Variants in ACYP2 observed in about 807,000 individuals in gnomAD.
The protein encoded by ACYP2 is acylphosphatase-2.
In ACYP2, 12 loss-of-function variants were observed where a neutral mutation model predicts 11.2. The observed-to-expected ratio is 1.08, with a 90% CI of 0.69 to 1.74. The LOEUF (loss-of-function observed/expected upper bound fraction) is 1.74, where lower values mean the gene tolerates loss of function less well. Ranked by LOEUF, ACYP2 falls within the 40% of genes most tolerant of loss-of-function variation. The pLI is 0.00. For missense variants in ACYP2, 134 were observed against 101.9 expected (o/e 1.31, Z -1.35); for synonymous variants, 43 against 32.2 (o/e 1.33, Z -1.13).
intron 2 of ACYP2, among the ~76,000 whole-genome samples, chr2:54,043,548 C>G (rs1268686969): frequency 6.6e-6 from 1 of 152,108 alleles, no homozygotes; most frequent in African/African-American, 2.4e-5. Flanking sequence ...GACCCTAACT[C>G]CAGTTTTATT....
intron 6 of ACYP2, among the ~76,000 whole-genome samples, chr2:54,236,576 C>G (rs1306043852): frequency 6.6e-6 from 1 of 151,944 alleles, no homozygotes; most frequent in Non-Finnish European, 1.5e-5. Context: ...AAATTCAATT[C>G]TTTGGAATTT....
At chr2:54,224,071 C>CCCT (rs1685905466) in intron 6 of ACYP2, among the ~76,000 whole-genome samples, 1 of 152,136 alleles carries the variant, frequency 6.6e-6, no homozygotes, top group Admixed American at 6.5e-5. Context: ...TACTGTTAGT[C>CCCT]CAGTCTTATT....
chr2:54,091,112 G>C (rs1255686279), intron 4 of ACYP2, among the ~76,000 whole-genome samples: 1 of 152,116 alleles, frequency 6.6e-6, no homozygotes, highest in South Asian at 2.1e-4. Flanking sequence ...TGATTAAAAG[G>C]ACAAAAGGGG....
chr2:54,175,293 T>C (rs984046394), intron 6 of ACYP2, among the ~76,000 whole-genome samples: 2 of 152,212 alleles, frequency 1.3e-5, no homozygotes, highest in African/African-American at 4.8e-5. Context: ...ATCCATTTCT[T>C]CTATATTTTC....
chr2:54,263,896 A>G (rs1687894512), intron 6 of ACYP2, among the ~76,000 whole-genome samples: 2 of 115,266 alleles, frequency 1.7e-5, no homozygotes, highest in African/African-American at 8.4e-5. Flanking sequence ...AGCTTCAGTC[A>G]TCAAATCCAA....
At chr2:53,987,994 A>G (rs1325599904) in intron 2 of ACYP2, among the ~76,000 whole-genome samples, 1 of 152,154 alleles carries the variant, frequency 6.6e-6, no homozygotes, top group African/African-American at 2.4e-5. Context: ...TCTTTTACAG[A>G]GCAAAAGTTT....
intron 2 of ACYP2, among the ~76,000 whole-genome samples, chr2:53,994,249 G>T (rs1672448570): frequency 7.2e-6 from 1 of 138,846 alleles, no homozygotes; most frequent in Admixed American, 8.0e-5. Flanking sequence ...AGAATGGCCT[G>T]AACCCAGGAG....
chr2:54,184,497 C>G (rs1263814673), intron 6 of ACYP2, among the ~76,000 whole-genome samples: 1 of 151,820 alleles, frequency 6.6e-6, no homozygotes, highest in African/African-American at 2.4e-5. Context: ...CATGCTTAAG[C>G]TAGTTTAAAC....
rs79790500 is a variant in ACYP2 at position 53,975,359 on chromosome 2, G to A, written c.62+1549G>A. 7.8e-4 allele frequency: 310 copies of A among 398,120 alleles called. 4 individuals are homozygous for A. In the East Asian group the frequency reaches 0.011, roughly 14 times the overall value. 24.7% of individuals were successfully genotyped at this position (398,120 alleles called of 1,614,324 possible). A position where few individuals can be genotyped will look rare whatever the true frequency, so the allele number is the denominator to read the frequency against. ...GTCTCTTCCTCTTATTCTAAATAAAGTTTCATGGAGAACACTATTGAAATG... is the reference window on the plus strand; with the variant it reads ...GTCTCTTCCTCTTATTCTAAATAAAATTTCATGGAGAACACTATTGAAATG... On this transcript the variant is annotated intron_variant, in intron 2 of 6. Coordinates refer to ENST00000607452, the MANE Select transcript of ACYP2 (RefSeq NM_001320586.2).
At chr2:54,281,052 C>A (rs980845990) in intron 6 of ACYP2, among the ~76,000 whole-genome samples, 4 of 152,150 alleles carry the variant, frequency 2.6e-5, no homozygotes, top group Non-Finnish European at 4.4e-5. Context: ...ATAATAATAG[C>A]TTCCTCAGAG....
chr2:54,196,303 C>G (rs1165527468), intron 6 of ACYP2, among the ~76,000 whole-genome samples: 2 of 152,132 alleles, frequency 1.3e-5, no homozygotes, highest in Middle Eastern at 3.2e-3. Context: ...ATCTCCACCT[C>G]CCAGGCTCAA....
intron 6 of ACYP2, among the ~76,000 whole-genome samples, chr2:54,153,236 C>T (rs1682264972): frequency 6.9e-6 from 1 of 145,960 alleles, no homozygotes; most frequent in South Asian, 2.2e-4. Context: ...ACTGTCTTTG[C>T]CCCATCGTGT....
At position 54,032,725 on chromosome 2, in the gene ACYP2, C is replaced by A. The variant is rs146197251; in HGVS notation, c.63-18233C>A. On this transcript the variant is annotated intron_variant, in intron 2 of 6. Transcript: ENST00000607452. ...TATAAATTACTCCCATTCACAATTG[C>A]TTCAAAGAGAATAAAATACCTAGGA... is the stretch of plus-strand genomic sequence containing the variant. Among the ~76,000 whole-genome samples, 710 of 152,214 alleles carry A rather than the reference C, an allele frequency of 4.7e-3. 2 individuals are homozygous for A. The highest frequency in any genetic ancestry group is 7.6e-3 in the Admixed American group (116 of 15,286).
At chr2:54,034,443 A>G (rs1327108912) in intron 2 of ACYP2, among the ~76,000 whole-genome samples, 7 of 152,122 alleles carry the variant, frequency 4.6e-5, no homozygotes, top group East Asian at 3.9e-4. Flanking sequence ...AATACTTACC[A>G]TTGTGTTACA....
chr2:54,223,640 T>A (rs1353843052), intron 6 of ACYP2, among the ~76,000 whole-genome samples: 1 of 152,224 alleles, frequency 6.6e-6, no homozygotes, highest in Non-Finnish European at 1.5e-5. Context: ...CTCTCTTATC[T>A]TGCAAATTTG....
intron 4 of ACYP2, among the ~76,000 whole-genome samples, chr2:54,103,281 CATT>C (rs1303242134): frequency 2.0e-5 from 3 of 152,162 alleles, no homozygotes; most frequent in African/African-American, 7.2e-5. Flanking sequence ...TCCACCACAT[CATT>C]GTTTTATTTC....
At chr2:53,997,152 C>T (rs1299265265) in intron 2 of ACYP2, among the ~76,000 whole-genome samples, 1 of 152,196 alleles carries the variant, frequency 6.6e-6, no homozygotes, top group Non-Finnish European at 1.5e-5. Context: ...TCTCTTCTAT[C>T]TACCTATCAA....
intron 6 of ACYP2, chr2:54,141,837 T>C (rs1328016322): frequency 3.7e-6 from 2 of 543,456 alleles, no homozygotes; most frequent in African/African-American, 3.7e-5. Flanking sequence ...ATAAACTTTA[T>C]GTATTTATTT....
At chr2:54,278,483 G>A (rs977298145) in intron 6 of ACYP2, among the ~76,000 whole-genome samples, 1 of 152,176 alleles carries the variant, frequency 6.6e-6, no homozygotes, top group Non-Finnish European at 1.5e-5. Context: ...ATCTGGCATG[G>A]TAATGCCAAT....
Sources: allele counts gnomAD v4.1 joint callset (sites outside exome capture counted in the v4.1 genomes callset), GRCh38; gene constraint gnomAD v4.1.1; transcripts MANE v1.5; gene names NCBI Gene and HGNC (gene_info 2026-07-23, HGNC 2026-07-21).